RNF130: variants seen among roughly 807,000 people sequenced by gnomAD.
RNF130 encodes the protein E3 ubiquitin-protein ligase RNF130.
Under a neutral mutation model 44.6 loss-of-function variants are expected in RNF130, and 21 were observed. The ratio of observed to expected loss-of-function variants is 0.47; its 90% CI spans 0.33 to 0.68. The LOEUF (loss-of-function observed/expected upper bound fraction) is 0.68, where lower values mean the gene tolerates loss of function less well. Ranked by LOEUF, RNF130 falls within the 30% of genes least tolerant of loss-of-function variation. RNF130 has a pLI of 0.02. For missense variants in RNF130, 479 were observed against 560.6 expected (o/e 0.85, Z 1.47); for synonymous variants, 214 against 210.4 (o/e 1.02, Z -0.15).
chr5:180,025,739 G>A (rs1763970009), intron 2 of RNF130, among the ~76,000 whole-genome samples: 1 of 152,164 alleles, frequency 6.6e-6, no homozygotes, highest in African/African-American at 2.4e-5. Context: ...TGCCACAGCA[G>A]TACACTTCAA....
intron 2 of RNF130, among the ~76,000 whole-genome samples, chr5:180,018,657 G>A (rs1763798269): frequency 6.6e-6 from 1 of 152,192 alleles, no homozygotes; most frequent in Admixed American, 6.5e-5. Context: ...AAATGTTGTG[G>A]GAAGAAAATC....
intron 7 of RNF130, among the ~76,000 whole-genome samples, chr5:179,930,691 G>C (rs1761796175): frequency 6.6e-6 from 1 of 152,158 alleles, no homozygotes; most frequent in Non-Finnish European, 1.5e-5. Flanking sequence ...TCCATTATTA[G>C]ATTAAGGAAG....
At chr5:179,952,909 G>C (rs533630852), downstream of RNF130, among the ~76,000 whole-genome samples, 9 of 152,242 alleles carry the variant, frequency 5.9e-5, no homozygotes, top group Non-Finnish European at 1.2e-4. Flanking sequence ...CAGATGGAAA[G>C]GTTTTCCCTA....
At chr5:180,057,060 A>G (rs1764842668) in intron 1 of RNF130, among the ~76,000 whole-genome samples, 1 of 152,234 alleles carries the variant, frequency 6.6e-6, no homozygotes, top group Non-Finnish European at 1.5e-5. Context: ...CTTATTCAAA[A>G]TAAGCCCCTT....
In RNF130 at chr5:179,960,741, T is replaced by G. The variant is rs187112887; in HGVS notation, c.1244+2730A>C. 5.3e-5 allele frequency among the ~76,000 whole-genome samples: 8 copies of G among 152,328 alleles called. No homozygotes were observed. In the East Asian group the frequency reaches 1.2e-3, roughly 22 times the overall value. ...GCATAGAGGTGGAGTTTAGTATCAA[T>G]TTTTGGACAGTCATTAAAATGCCAA... On this transcript the variant is annotated intron_variant, in intron 8 of 8. Coordinates refer to ENST00000521389, the MANE Select transcript of RNF130 (RefSeq NM_018434.6).
intron 1 of RNF130, among the ~76,000 whole-genome samples, chr5:180,058,800 G>C (rs980106568): frequency 1.1e-4 from 17 of 152,084 alleles, no homozygotes; most frequent in African/African-American, 3.6e-4. Flanking sequence ...GACCTCAAGT[G>C]ATCTGCCCAC....
At chr5:179,912,484 G>A (rs1761480035) in exon 8 of RNF130, 1 of 152,202 alleles carries the variant, frequency 6.6e-6, no homozygotes, top group Non-Finnish European at 1.5e-5. Context: ...CCTGCAGCTG[G>A]CTCAGCAAGC....
In RNF130 at chr5:179,955,406, T is replaced by A. The variant is rs1762191219; in HGVS notation, c.*248A>T. On this transcript the variant is annotated 3_prime_UTR_variant, in exon 9 of 9. Coordinates refer to ENST00000521389, the MANE Select transcript of RNF130 (RefSeq NM_018434.6). The stretch of plus-strand genomic sequence containing the variant: ...ATTCTGTCTCTGAAACACAAACAAA[T>A]GCAATCTGGGTCTGCGAGCTTCAAA... The A allele has an allele frequency of 4.9e-6, 2 of 409,838 alleles. No individual in the cohort carries two copies. The highest frequency in any genetic ancestry group is 4.1e-5 in the Admixed American group (1 of 24,456). 25.4% of individuals were successfully genotyped at this position (409,838 alleles called of 1,614,324 possible).
chr5:180,011,283 C>A (rs1763590715), intron 3 of RNF130, among the ~76,000 whole-genome samples: 1 of 152,060 alleles, frequency 6.6e-6, no homozygotes, highest in African/African-American at 2.4e-5. Flanking sequence ...CATTATTGAG[C>A]CAGTTTTACA....
At chr5:179,939,829 C>A in intron 7 of RNF130, 1 of 371,564 alleles carries the variant, frequency 2.7e-6, no homozygotes, top group South Asian at 2.4e-5. Flanking sequence ...GAAAATGGGT[C>A]CCTCCCACCA....
intron 3 of RNF130, among the ~76,000 whole-genome samples, chr5:180,009,976 A>G (rs953463383): frequency 3.7e-4 from 56 of 152,280 alleles, no homozygotes; most frequent in East Asian, 3.3e-3. Context: ...GGCCGGGCGC[A>G]GTGGCTCACG....
chr5:179,990,788 C>A (rs1457013392), intron 3 of RNF130, among the ~76,000 whole-genome samples: 1 of 152,188 alleles, frequency 6.6e-6, no homozygotes, highest in African/African-American at 2.4e-5. Flanking sequence ...TCTCACCATG[C>A]CCCTTCAGCT....
exon 8 of RNF130, chr5:179,913,727 C>T (rs1343106773): frequency 2.0e-5 from 3 of 152,222 alleles, no homozygotes; most frequent in Non-Finnish European, 4.4e-5. Context: ...TAACAATGCC[C>T]CAGAGGAGCT....
rs577506655 is a variant in RNF130 at position 179,979,203 on chromosome 5, T to A, written c.766-918A>T. On this transcript the variant is annotated intron_variant, in intron 4 of 8. Transcript: ENST00000521389. Reference sequence around the variant, plus strand: ...ACTGTCACCGTGGTCACCACTCCTCTGCCATTGAAATGCAAGCCGTTTTGA... The same window carrying A: ...ACTGTCACCGTGGTCACCACTCCTCAGCCATTGAAATGCAAGCCGTTTTGA... Among the ~76,000 whole-genome samples, 9 of 152,112 alleles carry A rather than the reference T, an allele frequency of 5.9e-5. No homozygotes were observed. The East Asian group carries it at 1.4e-3, about 23-fold the overall frequency.
At chr5:179,964,759 G>A (rs1318258322) in intron 7 of RNF130, among the ~76,000 whole-genome samples, 2 of 152,214 alleles carry the variant, frequency 1.3e-5, no homozygotes, top group Non-Finnish European at 2.9e-5. Context: ...TGCTCTAGGA[G>A]CATTTCTCTG....
chr5:180,010,712 A>C (rs1582185873), intron 3 of RNF130, among the ~76,000 whole-genome samples: 2 of 152,108 alleles, frequency 1.3e-5, no homozygotes, highest in African/African-American at 2.4e-5. Context: ...AGAGATGAGA[A>C]ACAGATTCCT....
rs770246064 is a variant in RNF130 at position 180,050,829 on chromosome 5, A to G, written c.248-10182T>C. On this transcript the variant is annotated intron_variant, in intron 1 of 8. Transcript: ENST00000521389. ...GTCCTTTTTATTTTTATTTTTGGAGACAGGGTTTCACTCTGTCGCCCAGGG... is the reference window on the plus strand; with the variant it reads ...GTCCTTTTTATTTTTATTTTTGGAGGCAGGGTTTCACTCTGTCGCCCAGGG... Among the ~76,000 whole-genome samples, 26 of 152,222 alleles carry G rather than the reference A, an allele frequency of 1.7e-4. No individual in the cohort carries two copies. In the Middle Eastern group the frequency reaches 0.014, roughly 80 times the overall value.
At chr5:180,036,306 T>C (rs928662660) in intron 2 of RNF130, among the ~76,000 whole-genome samples, 3 of 152,206 alleles carry the variant, frequency 2.0e-5, no homozygotes, top group South Asian at 2.1e-4. Flanking sequence ...TTTTCCTCCT[T>C]CTTTTTAATA....
chr5:179,965,680 T>C (rs545493692), intron 7 of RNF130, among the ~76,000 whole-genome samples: 2 of 152,260 alleles, frequency 1.3e-5, no homozygotes, highest in East Asian at 3.9e-4. Context: ...GAAATGCTAT[T>C]AAACGAATCG....
Sources: allele counts gnomAD v4.1 joint callset (sites outside exome capture counted in the v4.1 genomes callset), GRCh38; gene constraint gnomAD v4.1.1; transcripts MANE v1.5; gene names NCBI Gene and HGNC (gene_info 2026-07-23, HGNC 2026-07-21).